Variants in GAK observed in about 807,000 individuals in gnomAD.
GAK encodes cyclin G associated kinase, also known as cyclin-G-associated kinase.
GAK carries 79 observed loss-of-function variants against 143.9 expected under a neutral mutation model. The ratio of observed to expected loss-of-function variants is 0.55; its 90% CI spans 0.46 to 0.66. The LOEUF is 0.66. Ranked by LOEUF, GAK falls within the 30% of genes least tolerant of loss-of-function variation. GAK has a pLI of 0.00. For missense variants in GAK, 1,693 were observed against 1,779.7 expected (o/e 0.95, Z 0.88); for synonymous variants, 881 against 765.5 (o/e 1.15, Z -2.49).
intron 1 of GAK, among the ~76,000 whole-genome samples, chr4:914,364 C>T (rs1238770096): frequency 1.8e-5 from 2 of 111,574 alleles, no homozygotes; most frequent in African/African-American, 3.6e-5. Context: ...CCAGCGTGCA[C>T]GGCCCCCACA....
intron 1 of GAK, among the ~76,000 whole-genome samples, chr4:922,954 A>G (rs1022457077): frequency 6.6e-6 from 1 of 152,188 alleles, no homozygotes; most frequent in Non-Finnish European, 1.5e-5. Context: ...CACGCAGAGG[A>G]GTCTCACCAC....
At chr4:903,319 G>A (rs932822249) in intron 5 of GAK, among the ~76,000 whole-genome samples, 3 of 152,236 alleles carry the variant, frequency 2.0e-5, no homozygotes, top group Non-Finnish European at 4.4e-5. Context: ...AGGAGAGATG[G>A]GCAGGAGAGT....
rs114747936 is a variant in GAK, at chr4:932,262, A to G, written c.-75T>C. 304 of 1,436,850 alleles carry G rather than the reference A, an allele frequency of 2.1e-4. 4 individuals are homozygous for G. In the African/African-American group the frequency reaches 4.0e-3, roughly 19 times the overall value. The allele number at this position is 1,436,850 out of a possible 1,614,324, so 89.0% of individuals were successfully genotyped here. On this transcript the variant is annotated 5_prime_UTR_variant, in exon 1 of 28. Transcript: ENST00000314167. This position sits in a 1 kb window ranked among gnomAD's most constrained non-coding sequence, Gnocchi z 4.0. ...CTCCCGCTCCCTCGCCGTCCGGGTC[A>G]GCTCAGCAACCGCCGGCCCGGAGGT... is the stretch of plus-strand genomic sequence containing the variant.
chr4:890,583 A>G lies in GAK; in HGVS notation c.1030T>C (p.Ser344Pro). ...CCCACGGGAGGGGGTGGCCCTCGGG[A>G]CAGTGTGGCGCTCCCGTAGCCTCCA... ...QNGGYGSATL[S>P]RGPPPPVGPA... is the part of the protein sequence containing the mutation. The change falls in exon 10 of 28, where the codon TCC becomes CCC. Residue 344 changes from serine to proline, a missense_variant. Physicochemically the swap from Ser to Pro is moderately conservative, Grantham distance 74. Around this residue, in one of 2 missense-constraint regions of GAK, gnomAD observed 871 missense variants for 991.0 expected, o/e 0.88. Transcript: ENST00000314167. The G allele has an allele frequency of 6.2e-7, 1 of 1,611,664 alleles. No individual in the cohort carries two copies. Among genetic ancestry groups the G allele is most frequent in the African/African-American group, 1.3e-5 (1 of 75,018 alleles).
rs773345928 is a variant in GAK at position 916,610 on chromosome 4, G to A, written c.146-2942C>T. On this transcript the variant is annotated intron_variant, in intron 1 of 27. Coordinates refer to ENST00000314167, the MANE Select transcript of GAK (RefSeq NM_005255.4). ...CAAGTACACAACGTGTCCCACCACTGCCCATTAGAGAAATGCAGACTTAAA... is the reference window on the plus strand; with the variant it reads ...CAAGTACACAACGTGTCCCACCACTACCCATTAGAGAAATGCAGACTTAAA... 1.9e-4 allele frequency among the ~76,000 whole-genome samples: 29 copies of A among 152,290 alleles called. No individual in the cohort carries two copies. The South Asian group carries it at 2.5e-3, about 13-fold the overall frequency.
rs147668067 is a variant in GAK at position 871,709 on chromosome 4, G to A, written c.2055-805C>T. ...TGTCGGCCATGTGGGTGGGGAGCAG[G>A]GGCAGGGGTCAGCAGGGCCCGCCTT... On this transcript the variant is annotated intron_variant, in intron 18 of 27. Transcript: ENST00000314167. 3.9e-4 allele frequency among the ~76,000 whole-genome samples: 59 copies of A among 150,900 alleles called. 1 individual carries two copies. The East Asian group carries it at 0.011, about 29-fold the overall frequency.
intron 26 of GAK, 167 bp downstream of exon 26, chr4:850,769 C>T: frequency 1.5e-6 from 1 of 673,458 alleles, no homozygotes; most frequent in Non-Finnish European, 2.3e-6. Context: ...GGCCCATCGG[C>T]AGTGACAGGT....
At chr4:858,632 A>C (rs1037177306) in intron 24 of GAK, among the ~76,000 whole-genome samples, 1 of 152,254 alleles carries the variant, frequency 6.6e-6, no homozygotes, top group Non-Finnish European at 1.5e-5. Context: ...TGAAACATAA[A>C]AAGAACATTC....
rs1261263284 is a variant in GAK at position 913,649 on chromosome 4, A to C, written c.165T>G (p.Tyr55Ter). 1 of 1,613,726 alleles carries C rather than the reference A, an allele frequency of 6.2e-7. No individual in the cohort carries two copies. The highest frequency in any genetic ancestry group is 8.5e-7 in the Non-Finnish European group (1 of 1,179,656). Residue 55 changes from tyrosine to a stop codon, truncating the protein, a stop_gained, in exon 2 of 28, where the codon TAT (tyrosine) becomes TAG (stop). Coordinates refer to ENST00000314167, the MANE Select transcript of GAK (RefSeq NM_005255.4). LOFTEE classifies it high-confidence loss of function. ...TGCCACTCCCCACATCTTGAGCTTC[A>C]TACACAAATGCAAACCCTCCTGAAA... Reference protein sequence around the residue: ...VLAEGGFAFVYEAQDVGSGRE... With the variant: ...VLAEGGFAFV
In GAK at chr4:851,883, T is replaced by A. The variant is rs1748215355; in HGVS notation, c.3375A>T (p.Pro1125=). The change falls in exon 25 of 28, where the codon CCA becomes CCT. Residue 1125 remains proline, a synonymous_variant. Transcript: ENST00000314167. ...GAGGGGGCCATGAGGCGCCCTGGGC[T>A]GGCGGCCGACTTGTCTGCCAGGAGC... ...GSSSWQTSRP[P]AQGASWPPQA... 3 of 1,611,112 alleles carry A rather than the reference T, an allele frequency of 1.9e-6. No individual in the cohort carries two copies. Among genetic ancestry groups the A allele is most frequent in the Admixed American group, 1.7e-5 (1 of 59,800 alleles).
chr4:878,584 A>G (rs914570935), intron 15 of GAK, among the ~76,000 whole-genome samples: 13 of 152,172 alleles, frequency 8.5e-5, no homozygotes, highest in Admixed American at 7.9e-4. Context: ...CGGTTCTTCT[A>G]TATCCCTGCT....
At chr4:892,794 G>A (rs1159639506) in intron 9 of GAK, among the ~76,000 whole-genome samples, 1 of 152,236 alleles carries the variant, frequency 6.6e-6, no homozygotes, top group East Asian at 1.9e-4. Context: ...AGACACAGGA[G>A]CAATTCATGC....
At position 903,131 on chromosome 4, in the gene GAK, C is replaced by G. The variant is rs554101636; in HGVS notation, c.525+1506G>C. ...GCACGGAGCGCAGGCCCAGCCCCGGCCCAGAACCACCTGTGTGGCGGTGTG... is the reference window on the plus strand; with the variant it reads ...GCACGGAGCGCAGGCCCAGCCCCGGGCCAGAACCACCTGTGTGGCGGTGTG... On this transcript the variant is annotated intron_variant, in intron 5 of 27. Transcript: ENST00000314167. 2.0e-5 allele frequency among the ~76,000 whole-genome samples: 3 copies of G among 151,792 alleles called. No homozygotes were observed. The South Asian group carries it at 6.2e-4, about 31-fold the overall frequency.
At chr4:877,033 C>T (rs983436838) in intron 17 of GAK, 57 bp downstream of exon 17, 5 of 1,223,832 alleles carry the variant, frequency 4.1e-6, no homozygotes, top group South Asian at 2.4e-5. Context: ...TGGCCCCCAG[C>T]CCCCCATGAG....
chr4:877,856 G>T, intron 15 of GAK, 47 bp from the exon 16 acceptor site: 2 of 1,481,560 alleles, frequency 1.3e-6, no homozygotes, highest in Non-Finnish European at 1.8e-6. Context: ...CCTGAGAGGG[G>T]ACCACACAGC....
At chr4:912,272 A>G (rs927289117) in intron 3 of GAK, 13 of 421,104 alleles carry the variant, frequency 3.1e-5, no homozygotes, top group Non-Finnish European at 6.4e-5. Context: ...TGCAGCCCCC[A>G]GATCCTCTGT....
At chr4:891,848 C>T (rs193087732) in intron 9 of GAK, among the ~76,000 whole-genome samples, 41 of 152,268 alleles carry the variant, frequency 2.7e-4, no homozygotes, top group Admixed American at 2.4e-3. Context: ...CTTCCTGCCG[C>T]TCTCTGACAG....
rs200047571 is a variant in GAK, at chr4:849,760, C to T, written c.3849G>A (p.Pro1283=). The change falls in exon 28 of 28, where the codon CCG becomes CCA. Residue 1283 remains proline, a synonymous_variant. Transcript: ENST00000314167. ...AGATCATCTTGGCGTGCTGCTCGTA[C>T]GGCTGCCCCGCAGCCTATGGGTGAC... ...AVHPDKAAGQ[P]YEQHAKMIFM... is the part of the protein sequence containing the mutation. The T allele has an allele frequency of 2.6e-5, 42 of 1,612,734 alleles. No individual in the cohort carries two copies. Among genetic ancestry groups the T allele is most frequent in the Non-Finnish European group, 3.2e-5 (38 of 1,179,422 alleles).
intron 24 of GAK, among the ~76,000 whole-genome samples, chr4:855,692 G>C (rs1749008505): frequency 6.6e-6 from 1 of 152,212 alleles, no homozygotes; most frequent in Admixed American, 6.5e-5. Context: ...GGCTTGGCCA[G>C]GCAGGGTGGC....
Sources: gnomAD v4.1 joint callset for allele counts (sites outside exome capture counted in the v4.1 genomes callset) on GRCh38, gnomAD v4.1.1 for gene constraint, gnomAD v4.1.1 regional missense constraint, Gnocchi (gnomAD v3.1) non-coding constraint, MANE v1.5 for transcripts, NCBI Gene and HGNC (gene_info 2026-07-23, HGNC 2026-07-21) for gene names.